CTNNA2: variants seen among roughly 807,000 people sequenced by gnomAD.
CTNNA2 encodes catenin alpha 2.
CTNNA2 carries 42 observed loss-of-function variants against 101.0 expected under a neutral mutation model. That is an observed-to-expected ratio of 0.42 (90% CI 0.32 to 0.54). The LOEUF is 0.54. Ranked by LOEUF, CTNNA2 falls within the 20% of genes least tolerant of loss-of-function variation. The pLI, the probability that CTNNA2 is intolerant of heterozygous loss-of-function variation, is 0.14. For missense variants in CTNNA2, 871 were observed against 1,223.1 expected, an observed-to-expected ratio of 0.71 and a Z score of 4.29; for synonymous variants, 450 against 456.4, an observed-to-expected ratio of 0.99 and a Z score of 0.18.
At chr2:80,000,826 T>C (rs1023145600) in intron 7 of CTNNA2, among the ~76,000 whole-genome samples, 2 of 152,120 alleles carry the variant, frequency 1.3e-5, no homozygotes, top group Admixed American at 1.3e-4. Flanking sequence ...AAAGAGAACT[T>C]AGGCTGAGGT....
chr2:79,219,794 G>A (rs1453309503), intron 2 of CTNNA2, among the ~76,000 whole-genome samples: 1 of 152,190 alleles, frequency 6.6e-6, no homozygotes, highest in Admixed American at 6.5e-5. Flanking sequence ...GAGTGCCTGG[G>A]CTAACTCTGA....
chr2:80,084,476 C>T (rs62141425), intron 7 of CTNNA2, among the ~76,000 whole-genome samples: 2 of 151,976 alleles, frequency 1.3e-5, no homozygotes, highest in African/African-American at 2.4e-5. Context: ...CAACCCATTG[C>T]CCTTGGCTCA....
rs190653985 is a variant in CTNNA2, at chr2:80,298,247, C to T, written c.1057-94964C>T. 2.8e-4 allele frequency: 43 copies of T among 152,192 alleles called. No homozygotes were observed. The East Asian group carries it at 6.6e-3, about 23-fold the overall frequency. The allele number at this position is 152,192 out of a possible 1,614,324, so 9.4% of individuals were successfully genotyped here. On this transcript the variant is annotated intron_variant, in intron 7 of 18. Transcript: ENST00000402739. ...TTTAATGGTCATATTCTAGCTAATT[C>T]CTTTTTATTTGACATTCTGTCAATG... is the stretch of plus-strand genomic sequence containing the variant.
At chr2:79,444,703 A>G (rs1418042970) in intron 4 of CTNNA2, among the ~76,000 whole-genome samples, 1 of 152,082 alleles carries the variant, frequency 6.6e-6, no homozygotes, top group Admixed American at 6.6e-5. Flanking sequence ...ATGTGTGTCA[A>G]ACGATGGGGT....
At chr2:79,459,261 C>T (rs1316439346) in intron 4 of CTNNA2, among the ~76,000 whole-genome samples, 4 of 152,130 alleles carry the variant, frequency 2.6e-5, no homozygotes, top group African/African-American at 9.7e-5. Flanking sequence ...CTACTGTGAA[C>T]TTCTACTCAT....
chr2:80,594,073 A>G (rs1356319523), intron 15 of CTNNA2, among the ~76,000 whole-genome samples: 2 of 152,130 alleles, frequency 1.3e-5, no homozygotes, highest in Non-Finnish European at 2.9e-5. Flanking sequence ...TGGCTGCACC[A>G]TTTTACATTC....
intron 4 of CTNNA2, among the ~76,000 whole-genome samples, chr2:79,485,595 C>A (rs548060775): frequency 9.3e-4 from 141 of 152,292 alleles, no homozygotes; most frequent in African/African-American, 3.2e-3. Context: ...AAGCACAAAG[C>A]ATCCCATGAT....
Position 79,253,333 on chromosome 2 carries a change from C to T in CTNNA2, c.-406+55257C>T, listed in dbSNP as rs879927570. The stretch of plus-strand genomic sequence containing the variant: ...AGCTCTGAATACATTGAAAAACACA[C>T]AGGATTTTTATGTATTTGTGCAAAT... On this transcript the variant is annotated intron_variant, in intron 2 of 21. Coordinates refer to the CTNNA2 transcript ENST00000466387. Among the ~76,000 whole-genome samples the T allele has an allele frequency of 2.6e-5, 4 of 152,178 alleles. No homozygotes were observed. In the East Asian group the frequency reaches 7.7e-4, roughly 29 times the overall value.
intron 4 of CTNNA2, among the ~76,000 whole-genome samples, chr2:79,388,344 A>G (rs1678130596): frequency 1.3e-5 from 2 of 152,184 alleles, no homozygotes; most frequent in Admixed American, 1.3e-4. Context: ...TCTAGAATGT[A>G]TACATGACTT....
intron 2 of CTNNA2, among the ~76,000 whole-genome samples, chr2:79,277,846 C>A (rs1026046190): frequency 1.3e-5 from 2 of 152,000 alleles, no homozygotes; most frequent in African/African-American, 4.8e-5. Flanking sequence ...TTTATTTGCT[C>A]TAGCAAATAA....
intron 2 of CTNNA2, among the ~76,000 whole-genome samples, chr2:79,280,177 A>G (rs7591792): frequency 0.082 from 12,490 of 152,124 alleles, 795 homozygotes; most frequent in African/African-American, 0.17. Context: ...AGAAGGGAAA[A>G]AGAATAGCAC....
chr2:80,529,833 G>T (rs764226749), intron 9 of CTNNA2, among the ~76,000 whole-genome samples: 1 of 152,136 alleles, frequency 6.6e-6, no homozygotes, highest in Non-Finnish European at 1.5e-5. Context: ...CTGATTCAGC[G>T]AGGGGGGTAA....
At chr2:79,466,566 G>A (rs1231523393) in intron 4 of CTNNA2, among the ~76,000 whole-genome samples, 8 of 152,302 alleles carry the variant, frequency 5.3e-5, no homozygotes, top group East Asian at 3.9e-4. Flanking sequence ...ATCTGAGAAC[G>A]GACAGACTGC....
At chr2:79,706,243 G>C (rs1324123073) in intron 2 of CTNNA2, among the ~76,000 whole-genome samples, 2 of 151,660 alleles carry the variant, frequency 1.3e-5, no homozygotes, top group African/African-American at 4.8e-5. Flanking sequence ...GGCGCCTGTA[G>C]TCCCAGCTTC....
intron 7 of CTNNA2, among the ~76,000 whole-genome samples, chr2:79,978,712 G>T (rs1691044324): frequency 6.6e-6 from 1 of 152,134 alleles, no homozygotes; most frequent in African/African-American, 2.4e-5. Context: ...TACTGATGAG[G>T]AGCAGTTGGA....
chr2:79,444,526 T>G (rs1040279468), intron 4 of CTNNA2, among the ~76,000 whole-genome samples: 2 of 152,118 alleles, frequency 1.3e-5, no homozygotes, highest in Admixed American at 1.3e-4. Flanking sequence ...TAGGTGCCAG[T>G]GGATACTCTG....
chr2:79,341,592 T>C lies in CTNNA2; in HGVS notation c.-318+28796T>C, dbSNP rs28411979. 3.8e-3 allele frequency among the ~76,000 whole-genome samples: 573 copies of C among 152,334 alleles called. 10 individuals are homozygous for C. Among genetic ancestry groups the C allele is most frequent in the African/African-American group, 0.013 (544 of 41,576 alleles). On this transcript the variant is annotated intron_variant, in intron 3 of 21. Coordinates refer to the CTNNA2 transcript ENST00000466387. ...TTTCAGACTCTCTTTTCAAGGACGT[T>C]TGAATAGCAAGCAACCTTGGAAGAC...
At chr2:80,623,244 A>G (rs1558653622) in intron 18 of CTNNA2, among the ~76,000 whole-genome samples, 2 of 151,948 alleles carry the variant, frequency 1.3e-5, no homozygotes, top group South Asian at 2.1e-4. Context: ...TGTTCTACGT[A>G]TGATGCATTC....
At chr2:79,982,306 AACATATATAACATATATAAC>A (rs1276036945) in intron 7 of CTNNA2, among the ~76,000 whole-genome samples, 2 of 135,600 alleles carry the variant, frequency 1.5e-5, no homozygotes, top group Non-Finnish European at 3.0e-5. Context: ...ACATATATAA[AACATATATAACATATATAAC>A]ACACATATAA....
Sources: allele counts gnomAD v4.1 joint callset (sites outside exome capture counted in the v4.1 genomes callset), GRCh38; gene constraint gnomAD v4.1.1; transcripts MANE v1.5; gene names NCBI Gene and HGNC (gene_info 2026-07-23, HGNC 2026-07-21).